GNAL: variants seen among roughly 807,000 people sequenced by gnomAD.
The protein encoded by GNAL is G protein subunit alpha L.
Under a neutral mutation model 55.1 loss-of-function variants are expected in GNAL, and 18 were observed. That is an observed-to-expected ratio of 0.33 (90% CI 0.23 to 0.48). GNAL has a LOEUF of 0.48. GNAL is among the 20% of genes least tolerant of loss of function. GNAL has a pLI of 0.99. For missense variants in GNAL, 412 were observed against 614.1 expected, an observed-to-expected ratio of 0.67 and a Z score of 3.48; for synonymous variants, 253 against 237.0, an observed-to-expected ratio of 1.07 and a Z score of -0.62.
chr18:11,829,880 C>T (rs2035339232), intron 5 of GNAL, among the ~76,000 whole-genome samples: 1 of 152,054 alleles, frequency 6.6e-6, no homozygotes, highest in African/African-American at 2.4e-5. Flanking sequence ...CATGGTGGCA[C>T]ACACCTGTAA....
chr18:11,769,116 T>A (rs1377280546), intron 4 of GNAL, among the ~76,000 whole-genome samples: 1 of 110,300 alleles, frequency 9.1e-6, no homozygotes, highest in Non-Finnish European at 1.6e-5. Flanking sequence ...ATAGATTATA[T>A]AAATTATATG....
intron 5 of GNAL, among the ~76,000 whole-genome samples, chr18:11,837,332 A>G (rs1468514775): frequency 1.3e-5 from 2 of 152,160 alleles, no homozygotes; most frequent in African/African-American, 4.8e-5. Flanking sequence ...AAGTGAAAAA[A>G]CAAGCTCATA....
chr18:11,791,585 A>G (rs1201221573), intron 4 of GNAL, among the ~76,000 whole-genome samples: 1 of 152,230 alleles, frequency 6.6e-6, no homozygotes, highest in Non-Finnish European at 1.5e-5. Flanking sequence ...CTATCTTAAT[A>G]AGATACTAAG....
At chr18:11,709,290 T>C (rs1449949503) in intron 1 of GNAL, among the ~76,000 whole-genome samples, 4 of 150,486 alleles carry the variant, frequency 2.7e-5, no homozygotes, top group Admixed American at 6.7e-5. Context: ...GGGTCCTTTG[T>C]GGTTCCTTCT....
chr18:11,767,767 G>A (rs1201027038), intron 4 of GNAL, among the ~76,000 whole-genome samples: 3 of 152,108 alleles, frequency 2.0e-5, no homozygotes, highest in African/African-American at 2.4e-5. Flanking sequence ...CCTTATTTTT[G>A]CGTGCTCCAT....
At chr18:11,740,275 C>T (rs2032549095) in intron 1 of GNAL, among the ~76,000 whole-genome samples, 1 of 151,962 alleles carries the variant, frequency 6.6e-6, no homozygotes. Context: ...TGGGGCACTT[C>T]CTTACTTTCC....
chr18:11,840,468 T>C (rs2035589131), intron 5 of GNAL, among the ~76,000 whole-genome samples: 1 of 152,192 alleles, frequency 6.6e-6, no homozygotes, highest in Non-Finnish European at 1.5e-5. Context: ...CAGATCTCTT[T>C]TAAAATAGGA....
chr18:11,812,630 G>A (rs2034845709), intron 4 of GNAL, among the ~76,000 whole-genome samples: 1 of 152,058 alleles, frequency 6.6e-6, no homozygotes, highest in Non-Finnish European at 1.5e-5. Flanking sequence ...GATCACCTGA[G>A]GTCAGGAGTT....
chr18:11,843,421 A>C (rs1175624282), intron 5 of GNAL, among the ~76,000 whole-genome samples: 5 of 152,182 alleles, frequency 3.3e-5, no homozygotes, highest in Non-Finnish European at 2.9e-5. Context: ...GCTACTCAGG[A>C]GGCTGAGGCA....
At chr18:11,847,903 T>C (rs960187284) in intron 5 of GNAL, among the ~76,000 whole-genome samples, 1 of 152,090 alleles carries the variant, frequency 6.6e-6, no homozygotes, top group Admixed American at 6.5e-5. Flanking sequence ...TCAACCTCAA[T>C]GGAATATAAA....
At chr18:11,792,159 G>A (rs1166818854) in intron 4 of GNAL, among the ~76,000 whole-genome samples, 1 of 151,864 alleles carries the variant, frequency 6.6e-6, no homozygotes, top group Non-Finnish European at 1.5e-5. Flanking sequence ...TTACTGCCTT[G>A]TATTGTTTCC....
In GNAL at chr18:11,864,478, A is replaced by T. The variant is rs555619455; in HGVS notation, c.778-55A>T. 57 of 894,742 alleles carry T rather than the reference A, an allele frequency of 6.4e-5. No individual in the cohort carries two copies. The African/African-American group carries it at 6.8e-4, about 11-fold the overall frequency. The allele number at this position is 894,742 out of a possible 1,614,324, so 55.4% of individuals were successfully genotyped here. A position where few individuals can be genotyped will look rare whatever the true frequency, so the allele number is the denominator to read the frequency against. On this transcript the variant is annotated intron_variant, in intron 6 of 11. Transcript: ENST00000334049. ...TGAGGTATAGTTATACCCGGGCTTT[A>T]CCTTGAAGAAGAACAGTAATGTAAC...
chr18:11,765,750 C>G (rs1210558068), intron 4 of GNAL, among the ~76,000 whole-genome samples: 2 of 152,186 alleles, frequency 1.3e-5, no homozygotes, highest in East Asian at 3.9e-4. Context: ...CATTTTTTTC[C>G]ACTGCTGAAT....
chr18:11,760,181 G>C (rs1414509394), intron 4 of GNAL, among the ~76,000 whole-genome samples: 1 of 152,170 alleles, frequency 6.6e-6, no homozygotes, highest in African/African-American at 2.4e-5. Context: ...TGCTAACTTA[G>C]GTTATGATAG....
At chr18:11,734,081 G>A (rs2075998723) in intron 1 of GNAL, among the ~76,000 whole-genome samples, 1 of 151,950 alleles carries the variant, frequency 6.6e-6, no homozygotes, top group Non-Finnish European at 1.5e-5. Flanking sequence ...CATCTTTCCA[G>A]AGGCTCGGTG....
intron 4 of GNAL, among the ~76,000 whole-genome samples, chr18:11,804,744 A>G (rs2034608032): frequency 7.6e-6 from 1 of 131,032 alleles, no homozygotes; most frequent in South Asian, 2.5e-4. Context: ...ACACGGAGAT[A>G]CTGTGTAGTG....
chr18:11,847,452 A>G lies in GNAL; in HGVS notation c.723-14943A>G, dbSNP rs559362857. ...TTAGCAAATGATTCTTTTCCAGTGA[A>G]GTAAAACTGAATGTCCTGCTTAAAT... On this transcript the variant is annotated intron_variant, in intron 5 of 11. Transcript: ENST00000334049. 4.6e-5 allele frequency among the ~76,000 whole-genome samples: 7 copies of G among 151,680 alleles called. No individual in the cohort carries two copies. The South Asian group carries it at 1.5e-3, about 31-fold the overall frequency.
chr18:11,755,966 G>A (rs1042989257), intron 4 of GNAL, among the ~76,000 whole-genome samples: 2 of 152,186 alleles, frequency 1.3e-5, no homozygotes, highest in Admixed American at 6.5e-5. Flanking sequence ...TTATAGAAAA[G>A]CATCTGAGTT....
intron 5 of GNAL, among the ~76,000 whole-genome samples, chr18:11,859,785 G>A (rs1037818828): frequency 3.3e-5 from 5 of 150,382 alleles, no homozygotes; most frequent in African/African-American, 7.3e-5. Context: ...TCACTCTATC[G>A]CCCAGGCTGG....
Sources: allele counts gnomAD v4.1 joint callset (sites outside exome capture counted in the v4.1 genomes callset), GRCh38; gene constraint gnomAD v4.1.1; transcripts MANE v1.5; gene names NCBI Gene and HGNC (gene_info 2026-07-23, HGNC 2026-07-21).